Variants in CSMD1 observed in about 807,000 individuals in gnomAD.
The protein encoded by CSMD1 is CUB and sushi domain-containing protein 1.
A neutral mutation model predicts 417.5 loss-of-function variants in CSMD1; 213 were observed. That is an observed-to-expected ratio of 0.51 (90% CI 0.46 to 0.57). CSMD1 has a LOEUF of 0.57. CSMD1 is among the 20% of genes least tolerant of loss of function. The pLI, the probability that CSMD1 is intolerant of heterozygous loss-of-function variation, is 0.00. For missense variants in CSMD1, 6,923 were observed against 4,529.7 expected (o/e 1.53, Z -15.17); for synonymous variants, 2,862 against 1,736.8 (o/e 1.65, Z -16.11).
At chr8:3,372,955 T>C (rs1422879561) in intron 18 of CSMD1, among the ~76,000 whole-genome samples, 1 of 152,176 alleles carries the variant, frequency 6.6e-6, no homozygotes, top group Non-Finnish European at 1.5e-5. Context: ...AGGTTTGGAT[T>C]CGTAACTTTT....
At chr8:4,475,635 G>A (rs186249634) in intron 2 of CSMD1, among the ~76,000 whole-genome samples, 4 of 150,902 alleles carry the variant, frequency 2.7e-5, no homozygotes, top group South Asian at 4.2e-4. Flanking sequence ...TCTTTTCTTC[G>A]AGACGGAGTC....
In CSMD1 at chr8:3,455,437, G is replaced by C. The variant is rs1051753879; in HGVS notation, c.1561+13275C>G. On this transcript the variant is annotated intron_variant, in intron 12 of 69. Transcript: ENST00000635120. ...TCTGCTCTGTTTTTTCCCCATCTTT[G>C]TGGTTTTATCTTCCTTTGGTCTTTG... Among the ~76,000 whole-genome samples, 9 of 152,268 alleles carry C rather than the reference G, an allele frequency of 5.9e-5. No homozygotes were observed. In the East Asian group the frequency reaches 1.7e-3, roughly 29 times the overall value.
intron 10 of CSMD1, among the ~76,000 whole-genome samples, chr8:3,556,777 A>C (rs1799174576): frequency 6.6e-6 from 1 of 152,074 alleles, no homozygotes; most frequent in African/African-American, 2.4e-5. Flanking sequence ...TCAGCCTCTG[A>C]TCATAGAAAG....
At chr8:3,854,986 C>T (rs1014487517) in intron 5 of CSMD1, among the ~76,000 whole-genome samples, 3 of 152,018 alleles carry the variant, frequency 2.0e-5, no homozygotes, top group Admixed American at 1.3e-4. Context: ...AATGTCCAGG[C>T]CCAGTAATCC....
At chr8:4,095,264 C>A (rs529682560) in intron 3 of CSMD1, among the ~76,000 whole-genome samples, 4 of 152,078 alleles carry the variant, frequency 2.6e-5, no homozygotes, top group Non-Finnish European at 4.4e-5. Context: ...GAGGTTCCTC[C>A]GAGGAGATTA....
chr8:4,498,770 G>C (rs751205696), intron 2 of CSMD1, among the ~76,000 whole-genome samples: 10 of 152,108 alleles, frequency 6.6e-5, no homozygotes, highest in Non-Finnish European at 8.8e-5. Context: ...TTTTATAGAA[G>C]AGGATGTTGG....
chr8:3,293,188 G>A (rs1803708080), intron 25 of CSMD1, among the ~76,000 whole-genome samples: 2 of 152,300 alleles, frequency 1.3e-5, no homozygotes, highest in East Asian at 3.9e-4. Context: ...TTTTTGCCGA[G>A]AGATCCGCTG....
At chr8:4,491,378 G>A (rs1013246385) in intron 2 of CSMD1, among the ~76,000 whole-genome samples, 4 of 152,244 alleles carry the variant, frequency 2.6e-5, no homozygotes, top group Non-Finnish European at 5.9e-5. Flanking sequence ...ATCCATTATA[G>A]CGATCAGCCC....
chr8:4,025,575 G>A (rs913481045), intron 4 of CSMD1, among the ~76,000 whole-genome samples: 5 of 152,156 alleles, frequency 3.3e-5, no homozygotes, highest in African/African-American at 4.8e-5. Flanking sequence ...CATCATGCCT[G>A]TAAGAAGTGA....
At chr8:3,619,244 A>AC (rs1563204626) in intron 7 of CSMD1, among the ~76,000 whole-genome samples, 1 of 152,126 alleles carries the variant, frequency 6.6e-6, no homozygotes, top group Non-Finnish European at 1.5e-5. Flanking sequence ...CAGGACATGT[A>AC]CCCCCCAAAA....
At chr8:3,448,147 C>A (rs1815417833) in intron 12 of CSMD1, among the ~76,000 whole-genome samples, 1 of 150,722 alleles carries the variant, frequency 6.6e-6, no homozygotes, top group Non-Finnish European at 1.5e-5. Flanking sequence ...GTGAGGGATA[C>A]AGGGAGCCTG....
chr8:4,444,389 G>A (rs76154379), intron 2 of CSMD1, among the ~76,000 whole-genome samples: 1 of 137,196 alleles, frequency 7.3e-6, no homozygotes, highest in South Asian at 2.3e-4. Flanking sequence ...AGAGGTTCTT[G>A]GAGTAGGTCA....
intron 3 of CSMD1, among the ~76,000 whole-genome samples, chr8:4,401,328 T>TGCTCCA (rs1272157392): frequency 6.6e-6 from 1 of 152,206 alleles, no homozygotes; most frequent in Non-Finnish European, 1.5e-5. Flanking sequence ...AAATTAAGTG[T>TGCTCCA]GCTCCAATCA....
intron 1 of CSMD1, among the ~76,000 whole-genome samples, chr8:4,732,116 G>A (rs293887): frequency 0.91 from 139,071 of 152,036 alleles, 63,797 homozygotes; most frequent in East Asian, 0.99. Context: ...TTCACAGATG[G>A]CAAGTCTGAG....
At chr8:3,918,477 A>G (rs1016265637) in intron 5 of CSMD1, among the ~76,000 whole-genome samples, 1 of 152,104 alleles carries the variant, frequency 6.6e-6, no homozygotes, top group African/African-American at 2.4e-5. Context: ...TACCTGTTGG[A>G]CGTTTGTATG....
chr8:4,105,876 G>T (rs191080793), intron 3 of CSMD1, among the ~76,000 whole-genome samples: 1 of 152,208 alleles, frequency 6.6e-6, no homozygotes, highest in African/African-American at 2.4e-5. Flanking sequence ...AGAGCAGACA[G>T]GACACAGCTC....
At chr8:4,394,687 T>G (rs1315874555) in intron 3 of CSMD1, among the ~76,000 whole-genome samples, 1 of 152,182 alleles carries the variant, frequency 6.6e-6, no homozygotes, top group Non-Finnish European at 1.5e-5. Context: ...TTGGGCGTCT[T>G]GCTGGCCCTG....
At chr8:3,444,136 T>C (rs958038548) in intron 12 of CSMD1, among the ~76,000 whole-genome samples, 1 of 152,074 alleles carries the variant, frequency 6.6e-6, no homozygotes, top group Admixed American at 6.6e-5. Context: ...GAACAAGAAA[T>C]CAAGCAGTGA....
chr8:4,411,105 C>A lies in CSMD1; in HGVS notation c.415+8848G>T, dbSNP rs560707052. 2.8e-4 allele frequency among the ~76,000 whole-genome samples: 43 copies of A among 152,268 alleles called. No individual in the cohort carries two copies. The South Asian group carries it at 8.3e-3, about 29-fold the overall frequency. On this transcript the variant is annotated intron_variant, in intron 3 of 69. Transcript: ENST00000635120. Reference sequence around the variant, plus strand: ...CAAGGCCCCCTCCACGTGTGGCCACCTGATCTTCAATCTCCCAACCTCCAT... The same window carrying A: ...CAAGGCCCCCTCCACGTGTGGCCACATGATCTTCAATCTCCCAACCTCCAT...
Sources: allele counts gnomAD v4.1 joint callset (sites outside exome capture counted in the v4.1 genomes callset), GRCh38; gene constraint gnomAD v4.1.1; transcripts MANE v1.5; gene names NCBI Gene and HGNC (gene_info 2026-07-23, HGNC 2026-07-21).